The following PLEKHG1 variants were observed in gnomAD, a reference collection of about 807,000 sequenced individuals.
The protein encoded by PLEKHG1 is pleckstrin homology and RhoGEF domain containing G1.
A neutral mutation model predicts 100.8 loss-of-function variants in PLEKHG1; 44 were observed. The ratio of observed to expected loss-of-function variants is 0.44; its 90% CI spans 0.34 to 0.56. PLEKHG1 has a LOEUF of 0.56. PLEKHG1 is among the 20% of genes least tolerant of loss of function. The pLI is 0.01. For missense variants in PLEKHG1, 1,545 were observed against 1,720.9 expected, an observed-to-expected ratio of 0.90 and a Z score of 1.81; for synonymous variants, 640 against 662.5, an observed-to-expected ratio of 0.97 and a Z score of 0.52.
At chr6:150,816,353 T>TTTTTTTTTTTTTC (rs1336973500) in intron 10 of PLEKHG1, among the ~76,000 whole-genome samples, 1 of 137,100 alleles carries the variant, frequency 7.3e-6, no homozygotes, top group Admixed American at 7.4e-5. Context: ...TTTTTTTTTT[T>TTTTTTTTTTTTTC]TTTTGAGATG....
At chr6:150,693,581 G>A (rs1450292366) in intron 3 of PLEKHG1, among the ~76,000 whole-genome samples, 2 of 152,178 alleles carry the variant, frequency 1.3e-5, no homozygotes, top group Non-Finnish European at 2.9e-5. Context: ...CAGCTCCGTG[G>A]TTCAGGCTAA....
chr6:150,733,122 G>A (rs760108948), intron 1 of PLEKHG1, among the ~76,000 whole-genome samples: 5 of 152,272 alleles, frequency 3.3e-5, no homozygotes, highest in African/African-American at 7.2e-5. Flanking sequence ...TCAAAATTCC[G>A]TAGGAATCAC....
chr6:150,741,954 C>T (rs759212777), intron 2 of PLEKHG1, among the ~76,000 whole-genome samples: 10 of 152,198 alleles, frequency 6.6e-5, no homozygotes, highest in South Asian at 2.1e-4. Context: ...CCACTTGTGA[C>T]GACCAAAAAT....
intron 1 of PLEKHG1, among the ~76,000 whole-genome samples, chr6:150,637,138 A>C (rs1012464344): frequency 1.3e-5 from 2 of 152,230 alleles, no homozygotes; most frequent in African/African-American, 4.8e-5. Flanking sequence ...TTATTTCTAT[A>C]GCCAAACTAT....
rs34130366 is a variant in PLEKHG1 at position 150,674,627 on chromosome 6, TC to T, written c.-99+23843del. Among the ~76,000 whole-genome samples, 203 of 59,978 alleles carry T rather than the reference TC, an allele frequency of 3.4e-3. 1 individual carries two copies. Among genetic ancestry groups the T allele is most frequent in the African/African-American group, 8.0e-3 (131 of 16,276 alleles). The allele number at this position is 59,978 out of a possible 152,430, so 39.3% of individuals were successfully genotyped here. A position where few individuals can be genotyped will look rare whatever the true frequency, so the allele number is the denominator to read the frequency against. ...GATTACACCTGTAACTTTCTCTCTC[TC>T]CTCCCTCTCTCTCTCTCTCTCTCTC... is the stretch of plus-strand genomic sequence containing the variant. On this transcript the variant is annotated intron_variant, in intron 3 of 3. Transcript: ENST00000367326.
At chr6:150,620,003 C>T (rs1339390861) in intron 1 of PLEKHG1, among the ~76,000 whole-genome samples, 1 of 152,190 alleles carries the variant, frequency 6.6e-6, no homozygotes, top group Non-Finnish European at 1.5e-5. Flanking sequence ...TTTGTTATCT[C>T]ATTAACACCA....
At chr6:150,669,231 T>A (rs942388572) in intron 3 of PLEKHG1, among the ~76,000 whole-genome samples, 1 of 152,146 alleles carries the variant, frequency 6.6e-6, no homozygotes, top group African/African-American at 2.4e-5. Context: ...TGAAGACACA[T>A]CACTGTAGAT....
intron 2 of PLEKHG1, among the ~76,000 whole-genome samples, chr6:150,763,043 T>TA: frequency 6.8e-6 from 1 of 147,714 alleles, no homozygotes; most frequent in Non-Finnish European, 1.5e-5. Context: ...TTTTTTTTTT[T>TA]TGAGACGGAG....
rs58672381 is a variant in PLEKHG1, at chr6:150,822,150, C to CAA, written c.1447+944_1447+945dup. On this transcript the variant is annotated intron_variant, in intron 13 of 15. Transcript: ENST00000358517. ...GCCACCACGCCCAGCCCAAAGGACT[C>CAA]AAAAAAAAAAAAAAAAAAAAAAAAA... 5.2e-4 allele frequency among the ~76,000 whole-genome samples: 19 copies of CAA among 36,728 alleles called. 2 individuals carry two copies. Among genetic ancestry groups the CAA allele is most frequent in the East Asian group, 1.2e-3 (1 of 856 alleles). The allele number at this position is 36,728 out of a possible 152,430, so 24.1% of individuals were successfully genotyped here. A position where few individuals can be genotyped will look rare whatever the true frequency, so the allele number is the denominator to read the frequency against.
At chr6:150,692,640 G>A (rs1780385290) in intron 3 of PLEKHG1, among the ~76,000 whole-genome samples, 1 of 152,138 alleles carries the variant, frequency 6.6e-6, no homozygotes, top group Non-Finnish European at 1.5e-5. Flanking sequence ...GAATATCAGA[G>A]GGAAAAAAAT....
chr6:150,832,914 C>G lies in PLEKHG1; in HGVS notation c.3094+709C>G, dbSNP rs1777029558. 2.0e-5 allele frequency among the ~76,000 whole-genome samples: 3 copies of G among 150,434 alleles called. No individual in the cohort carries two copies. In the South Asian group the frequency reaches 6.4e-4, roughly 32 times the overall value. On this transcript the variant is annotated intron_variant, in intron 15 of 15. Transcript: ENST00000358517. ...GCTGGTCTCGACTCCTGGGCTCAAG[C>G]AATCCTCTTGCCTCAGCCTCCCAAA...
At chr6:150,636,384 C>T (rs1290551213) in intron 1 of PLEKHG1, among the ~76,000 whole-genome samples, 7 of 152,028 alleles carry the variant, frequency 4.6e-5, no homozygotes, top group Admixed American at 1.3e-4. Flanking sequence ...GCCGTTCTGA[C>T]GTGGATGAAC....
chr6:150,721,235 T>C (rs1276169193), intron 1 of PLEKHG1: 11 of 929,408 alleles, frequency 1.2e-5, no homozygotes, highest in Non-Finnish European at 1.4e-5. Context: ...AAAGAAAGGA[T>C]GCAGGAACAA....
intron 3 of PLEKHG1, among the ~76,000 whole-genome samples, chr6:150,697,926 T>G (rs1582959646): frequency 3.8e-4 from 1 of 2,620 alleles, no homozygotes; most frequent in South Asian, 2.8e-3. Flanking sequence ...GGCAGTGGTG[T>G]TTTTTTTTTT....
chr6:150,607,804 G>C (rs1011643249), intron 1 of PLEKHG1, among the ~76,000 whole-genome samples: 3 of 152,200 alleles, frequency 2.0e-5, no homozygotes, highest in Admixed American at 6.5e-5. Flanking sequence ...TAATGAGATG[G>C]TCAGGGAGCA....
chr6:150,757,118 C>A (rs1208371896), intron 2 of PLEKHG1, among the ~76,000 whole-genome samples: 1 of 152,188 alleles, frequency 6.6e-6, no homozygotes, highest in Non-Finnish European at 1.5e-5. Flanking sequence ...GTGTCTCAGC[C>A]TTCTGAGTAG....
chr6:150,757,039 C>T (rs1283396976), intron 2 of PLEKHG1, among the ~76,000 whole-genome samples: 2 of 152,180 alleles, frequency 1.3e-5, no homozygotes, highest in Non-Finnish European at 2.9e-5. Context: ...GATGGAGTCT[C>T]GCTCTGTCAC....
At chr6:150,609,900 A>C (rs1582803277) in intron 1 of PLEKHG1, among the ~76,000 whole-genome samples, 2 of 151,828 alleles carry the variant, frequency 1.3e-5, no homozygotes, top group South Asian at 4.2e-4. Flanking sequence ...GCTCTGCCCC[A>C]CCTGTTCACG....
chr6:150,721,050 T>G, upstream of PLEKHG1: 2 of 633,020 alleles, frequency 3.2e-6, no homozygotes, highest in Non-Finnish European at 2.0e-6. Flanking sequence ...TGTAAAGCCT[T>G]TGTGTGTTGG....
Sources: allele counts gnomAD v4.1 joint callset (sites outside exome capture counted in the v4.1 genomes callset), GRCh38; gene constraint gnomAD v4.1.1; transcripts MANE v1.5; gene names NCBI Gene and HGNC (gene_info 2026-07-23, HGNC 2026-07-21).